EML1: variants seen among roughly 807,000 people sequenced by gnomAD.
EML1 encodes EMAP like 1.
A neutral mutation model predicts 110.4 loss-of-function variants in EML1; 27 were observed. The ratio of observed to expected loss-of-function variants is 0.24; its 90% CI spans 0.18 to 0.34. The LOEUF (loss-of-function observed/expected upper bound fraction) is 0.34. Ranked by LOEUF, EML1 falls within the 10% of genes least tolerant of loss-of-function variation. EML1 has a pLI of 1.00. For missense variants in EML1, 741 were observed against 1,030.9 expected (o/e 0.72, Z 3.85); for synonymous variants, 344 against 385.8 (o/e 0.89, Z 1.27).
At chr14:99,836,660 G>A (rs1292313641) in intron 1 of EML1, among the ~76,000 whole-genome samples, 2 of 152,014 alleles carry the variant, frequency 1.3e-5, no homozygotes, top group Non-Finnish European at 2.9e-5. Flanking sequence ...ATTTATTTTG[G>A]GTCATATTTT....
At chr14:99,783,185 C>T (rs551986251) in intron 1 of EML1, among the ~76,000 whole-genome samples, 35 of 131,664 alleles carry the variant, frequency 2.7e-4, no homozygotes, top group Non-Finnish European at 4.4e-4. Context: ...TGTTCCCCTT[C>T]CTGTGTCCAA....
chr14:99,822,920 C>G (rs534397692), intron 1 of EML1, among the ~76,000 whole-genome samples: 2 of 152,322 alleles, frequency 1.3e-5, no homozygotes, highest in African/African-American at 4.8e-5. Context: ...AGCACGCCTT[C>G]TTTTTGGCCT....
chr14:99,774,588 C>T (rs1227667740), intron 1 of EML1, among the ~76,000 whole-genome samples: 1 of 152,206 alleles, frequency 6.6e-6, no homozygotes, highest in East Asian at 1.9e-4. Context: ...CTGCTCTAGC[C>T]CTGGCCACAT....
chr14:99,838,410 A>C (rs545791046), intron 1 of EML1, among the ~76,000 whole-genome samples: 1 of 152,242 alleles, frequency 6.6e-6, no homozygotes, highest in African/African-American at 2.4e-5. Flanking sequence ...GAGGATGTCT[A>C]TCTGGAATGT....
intron 1 of EML1, among the ~76,000 whole-genome samples, chr14:99,743,805 C>A (rs1346798964): frequency 6.6e-6 from 1 of 152,206 alleles, no homozygotes; most frequent in Non-Finnish European, 1.5e-5. Context: ...AAGCTATCCA[C>A]TTCTGTTCTT....
intron 1 of EML1, among the ~76,000 whole-genome samples, chr14:99,739,301 C>G (rs756621967): frequency 2.0e-5 from 3 of 152,070 alleles, no homozygotes; most frequent in Admixed American, 6.5e-5. Context: ...CTGCCCCACA[C>G]CTGACGCTAA....
chr14:99,782,998 ATATTTT>A (rs1321649431), intron 1 of EML1, among the ~76,000 whole-genome samples: 1 of 151,842 alleles, frequency 6.6e-6, no homozygotes, highest in East Asian at 1.9e-4. Flanking sequence ...ATATATATAT[ATATTTT>A]TATTATACTT....
upstream of EML1, among the ~76,000 whole-genome samples, chr14:99,768,477 A>T (rs2057389454): frequency 6.6e-6 from 1 of 152,144 alleles, no homozygotes; most frequent in Non-Finnish European, 1.5e-5. Context: ...AGAGACACAG[A>T]GCAGCATGAT....
intron 1 of EML1, among the ~76,000 whole-genome samples, chr14:99,749,462 A>AC (rs1401433100): frequency 6.6e-6 from 1 of 152,098 alleles, no homozygotes; most frequent in Non-Finnish European, 1.5e-5. Context: ...TGGCTTTGCC[A>AC]CCTTAAGTCT....
chr14:99,933,290 C>T (rs1391932849), intron 17 of EML1, among the ~76,000 whole-genome samples: 1 of 152,200 alleles, frequency 6.6e-6, no homozygotes, highest in Admixed American at 6.5e-5. Context: ...ATTCTCCAGC[C>T]TTACCCTCCC....
intron 17 of EML1, among the ~76,000 whole-genome samples, chr14:99,924,545 G>A (rs879290370): frequency 6.6e-6 from 1 of 152,142 alleles, no homozygotes; most frequent in Non-Finnish European, 1.5e-5. Flanking sequence ...TGTGAATATG[G>A]TTTCTCTTTC....
In EML1 at chr14:99,914,659, GC is replaced by G; in HGVS notation, c.1715del (p.Ala572ValfsTer11). The G allele has an allele frequency of 6.2e-7, 1 of 1,610,602 alleles. No individual in the cohort carries two copies. The highest frequency in any genetic ancestry group is 8.5e-7 in the Non-Finnish European group (1 of 1,179,358). ...GHDKHATLWD[A>X]VGHRPVWDKI... ...TGACAAGCATGCCACTCTCTGGGAC[GC>G]TGTGGGTCACCGTCCCGTCTGGGAC... On this transcript the variant is annotated frameshift_variant, in exon 15 of 22. Coordinates refer to ENST00000262233, the MANE Select transcript of EML1 (RefSeq NM_004434.3). LOFTEE classifies it high-confidence loss of function.
At chr14:99,889,032 G>T (rs1006432448) in intron 4 of EML1, among the ~76,000 whole-genome samples, 16 of 152,184 alleles carry the variant, frequency 1.1e-4, no homozygotes, top group African/African-American at 3.6e-4. Flanking sequence ...GACCCACGGA[G>T]GCAGAGGCAT....
chr14:99,769,447 A>C (rs2057400634), upstream of EML1, among the ~76,000 whole-genome samples: 1 of 152,164 alleles, frequency 6.6e-6, no homozygotes, highest in South Asian at 2.1e-4. Flanking sequence ...CCCAGCCCTG[A>C]GTAACCTTGG....
At chr14:99,768,215 G>C (rs560978406), upstream of EML1, among the ~76,000 whole-genome samples, 1 of 152,320 alleles carries the variant, frequency 6.6e-6, no homozygotes, top group East Asian at 1.9e-4. Context: ...GTCTTAGAGC[G>C]GAGGAAATCC....
chr14:99,753,363 C>T (rs2057203764), intron 1 of EML1, among the ~76,000 whole-genome samples: 1 of 151,828 alleles, frequency 6.6e-6, no homozygotes, highest in Admixed American at 6.6e-5. Context: ...GCTGGCCCTC[C>T]CTGGGGGGTC....
At position 99,911,984 on chromosome 14, in the gene EML1, C is replaced by T. The variant is rs141682418; in HGVS notation, c.1494+408C>T. On this transcript the variant is annotated intron_variant, in intron 13 of 21. Transcript: ENST00000262233. The stretch of plus-strand genomic sequence containing the variant: ...GATCACAGTTTACTGCAACCTCCCC[C>T]TCCTGGGCTCAAGTGATCCTCCCAC... 4.1e-3 allele frequency among the ~76,000 whole-genome samples: 622 copies of T among 151,898 alleles called. 7 individuals are homozygous for T. The highest frequency in any genetic ancestry group is 0.014 in the African/African-American group (572 of 41,390).
intron 16 of EML1, among the ~76,000 whole-genome samples, chr14:99,919,879 G>A (rs2060101414): frequency 6.6e-6 from 1 of 152,136 alleles, no homozygotes; most frequent in South Asian, 2.1e-4. Context: ...GGCTAGGGGG[G>A]CTCCTGTGGA....
At chr14:99,859,009 C>T (rs1420373976) in intron 2 of EML1, among the ~76,000 whole-genome samples, 1 of 152,108 alleles carries the variant, frequency 6.6e-6, no homozygotes, top group Non-Finnish European at 1.5e-5. Flanking sequence ...TAGATTATAA[C>T]TTAATATCAA....
Sources: allele counts gnomAD v4.1 joint callset (sites outside exome capture counted in the v4.1 genomes callset), GRCh38; gene constraint gnomAD v4.1.1; transcripts MANE v1.5; gene names NCBI Gene and HGNC (gene_info 2026-07-23, HGNC 2026-07-21).